The following TRPC5 variants were observed in gnomAD, a reference collection of about 807,000 sequenced individuals.
The protein encoded by TRPC5 is short transient receptor potential channel 5.
A neutral mutation model predicts 56.5 loss-of-function variants in TRPC5; 9 were observed. The ratio of observed to expected loss-of-function variants is 0.16; its 90% confidence interval spans 0.10 to 0.28. The LOEUF (loss-of-function observed/expected upper bound fraction) is 0.28. TRPC5 is among the 10% of genes least tolerant of loss of function. The probability of loss-of-function intolerance (pLI) is 1.00; values close to 1 mark genes in which losing one functional copy is unlikely to be tolerated. For synonymous variants in TRPC5, 282 were observed against 278.5 expected (o/e 1.01, Z -0.13); for missense variants, 469 against 748.9 (o/e 0.63, Z 4.36).
At chrX:111,863,304 G>A (rs998319469) in intron 3 of TRPC5, among the ~76,000 whole-genome samples, 2 of 112,100 alleles carry the variant, frequency 1.8e-5, no homozygotes, top group Non-Finnish European at 3.8e-5. Flanking sequence ...GTTTGGGGAT[G>A]TACCTGCTTT....
chrX:111,908,030 C>T (rs1391369047), intron 3 of TRPC5, among the ~76,000 whole-genome samples: 1 of 111,526 alleles, frequency 9.0e-6, no homozygotes, highest in Non-Finnish European at 1.9e-5. Context: ...AAACACAACC[C>T]CAAAAAGGAC....
At chrX:111,994,104 T>C (rs1023725613) in intron 1 of TRPC5, among the ~76,000 whole-genome samples, 1 of 112,129 alleles carries the variant, frequency 8.9e-6, no homozygotes, top group African/African-American at 3.2e-5. Flanking sequence ...GGGATCCAGT[T>C]TCAGCTTTCT....
intron 1 of TRPC5, among the ~76,000 whole-genome samples, chrX:111,953,983 A>G (rs1927161713): frequency 8.9e-6 from 1 of 111,903 alleles, no homozygotes; most frequent in Non-Finnish European, 1.9e-5. Flanking sequence ...CCCAAATGAC[A>G]AATCTCTCTC....
intron 1 of TRPC5, among the ~76,000 whole-genome samples, chrX:112,034,719 T>A (rs975622404): frequency 1.8e-5 from 2 of 110,863 alleles, no homozygotes; most frequent in African/African-American, 3.3e-5. Context: ...TTCCAGTAAT[T>A]TTTCCATTTT....
chrX:111,859,927 G>C (rs1569526699), intron 3 of TRPC5, among the ~76,000 whole-genome samples: 1 of 112,585 alleles, frequency 8.9e-6, no homozygotes, highest in Non-Finnish European at 1.9e-5. Context: ...TTTGTTTTTT[G>C]AGACGGAGTC....
At chrX:112,024,891 G>T (rs949992634) in intron 1 of TRPC5, among the ~76,000 whole-genome samples, 2 of 112,007 alleles carry the variant, frequency 1.8e-5, no homozygotes, top group African/African-American at 3.2e-5. Context: ...AATAAAGAGA[G>T]AAATTATTCT....
At chrX:111,914,208 A>G (rs908295421) in intron 2 of TRPC5, among the ~76,000 whole-genome samples, 1 of 111,836 alleles carries the variant, frequency 8.9e-6, no homozygotes, top group Admixed American at 9.5e-5. Context: ...AGGAAAAAAA[A>G]GTTCCAAATG....
chrX:111,865,502 A>G (rs1923526118), intron 3 of TRPC5, among the ~76,000 whole-genome samples: 1 of 108,628 alleles, frequency 9.2e-6, no homozygotes, highest in African/African-American at 3.4e-5. Context: ...AATTTTTTGT[A>G]TTTTTAGTAG....
chrX:111,905,348 C>G (rs766702273), intron 3 of TRPC5, among the ~76,000 whole-genome samples: 1 of 109,052 alleles, frequency 9.2e-6, no homozygotes, highest in Non-Finnish European at 1.9e-5. Context: ...GTTCACAAAC[C>G]AACTAACCAA....
chrX:111,844,754 C>T (rs1377659910), intron 6 of TRPC5, among the ~76,000 whole-genome samples: 3 of 110,048 alleles, frequency 2.7e-5, no homozygotes, highest in Non-Finnish European at 5.7e-5. Context: ...TGTGGGTCAC[C>T]GCGACTGGCC....
At chrX:111,931,979 A>G (rs1274470646) in intron 2 of TRPC5, among the ~76,000 whole-genome samples, 1 of 112,215 alleles carries the variant, frequency 8.9e-6, no homozygotes, top group East Asian at 2.8e-4. Context: ...AAATGTTTGG[A>G]GTCCATCCAG....
intron 1 of TRPC5, among the ~76,000 whole-genome samples, chrX:111,977,949 C>CA (rs201360326): frequency 2.0e-3 from 217 of 105,895 alleles, no homozygotes; most frequent in African/African-American, 6.0e-3. Context: ...ATGGCTATTA[C>CA]AAAAAAAAAC....
At chrX:111,890,767 A>G (rs998716234) in intron 3 of TRPC5, among the ~76,000 whole-genome samples, 1 of 111,916 alleles carries the variant, frequency 8.9e-6, no homozygotes, top group African/African-American at 3.3e-5. Context: ...TTTGTTACAT[A>G]GGTAAACCCA....
At chrX:112,038,884 G>A (rs1257032131) in intron 1 of TRPC5, among the ~76,000 whole-genome samples, 2 of 103,709 alleles carry the variant, frequency 1.9e-5, no homozygotes, top group Non-Finnish European at 3.9e-5. Context: ...TAGAGATGGA[G>A]TTTCACCGTG....
chrX:112,012,198 C>G (rs1045535488), intron 1 of TRPC5, among the ~76,000 whole-genome samples: 1 of 111,012 alleles, frequency 9.0e-6, no homozygotes, highest in Admixed American at 9.6e-5. Flanking sequence ...CAGGATCAGA[C>G]TTTATATAAA....
chrX:112,010,073 C>T (rs1928952114), intron 1 of TRPC5, among the ~76,000 whole-genome samples: 1 of 111,452 alleles, frequency 9.0e-6, no homozygotes, highest in African/African-American at 3.3e-5. Flanking sequence ...CAAGAAAAAC[C>T]CTACATACAG....
At chrX:111,988,140 T>A (rs934633041) in intron 1 of TRPC5, among the ~76,000 whole-genome samples, 1 of 112,291 alleles carries the variant, frequency 8.9e-6, no homozygotes, top group Non-Finnish European at 1.9e-5. Context: ...TGGCTTCTGA[T>A]AAGTTTATCC....
At chrX:111,913,353 G>A (rs1441025775) in intron 2 of TRPC5, among the ~76,000 whole-genome samples, 1 of 111,567 alleles carries the variant, frequency 9.0e-6, no homozygotes, top group East Asian at 2.8e-4. Context: ...CAAATGAGCA[G>A]TAGAGACTAT....
At chrX:111,954,139 C>A (rs1405227392) in intron 1 of TRPC5, among the ~76,000 whole-genome samples, 1 of 112,444 alleles carries the variant, frequency 8.9e-6, no homozygotes, top group Non-Finnish European at 1.9e-5. Context: ...ATACACAGCA[C>A]AAAACTTTAA....
Sources: gnomAD v4.1 joint callset for allele counts (sites outside exome capture counted in the v4.1 genomes callset) on GRCh38, gnomAD v4.1.1 for gene constraint, MANE v1.5 for transcripts, NCBI Gene and HGNC (gene_info 2026-07-23, HGNC 2026-07-21) for gene names.